The following TMEM120B variants were observed in gnomAD, a reference collection of about 807,000 sequenced individuals.
TMEM120B encodes the protein transmembrane protein 120B.
A neutral mutation model predicts 55.5 loss-of-function variants in TMEM120B; 31 were observed. That is an observed-to-expected ratio of 0.56 (90% confidence interval 0.42 to 0.75). The LOEUF is 0.75. TMEM120B is among the 30% of genes least tolerant of loss of function. The probability of loss-of-function intolerance (pLI) is 0.00; values close to 1 mark genes in which losing one functional copy is unlikely to be tolerated. For missense variants in TMEM120B, 399 were observed against 425.5 expected (o/e 0.94, Z 0.55); for synonymous variants, 203 against 176.3 (o/e 1.15, Z -1.20).
chr12:121,717,412 A>G (rs1894720840), intron 1 of TMEM120B, among the ~76,000 whole-genome samples: 1 of 152,214 alleles, frequency 6.6e-6, no homozygotes, highest in Non-Finnish European at 1.5e-5. Flanking sequence ...TCAGGGAGAC[A>G]GGCTCGAAGC....
intron 6 of TMEM120B, among the ~76,000 whole-genome samples, chr12:121,766,692 C>T (rs1025569028): frequency 1.3e-5 from 2 of 152,208 alleles, no homozygotes; most frequent in Non-Finnish European, 2.9e-5. Flanking sequence ...TCTATCCCAG[C>T]CACCCAGACT....
At position 121,746,313 on chromosome 12, in the gene TMEM120B, G is replaced by A. The variant is rs372874300; in HGVS notation, c.189-2013G>A. Among the ~76,000 whole-genome samples the A allele has an allele frequency of 1.1e-4, 16 of 151,488 alleles. No homozygotes were observed. The East Asian group carries it at 1.8e-3, about 17-fold the overall frequency. ...AGCGATTCTCCTGCCTCAGCCTCCC[G>A]AGTAGCTGGGATTACAGGCATGCAC... is the stretch of plus-strand genomic sequence containing the variant. On this transcript the variant is annotated intron_variant, in intron 2 of 11. Transcript: ENST00000449592.
chr12:121,731,992 C>T (rs545889160), intron 1 of TMEM120B, among the ~76,000 whole-genome samples: 485 of 152,264 alleles, frequency 3.2e-3, no homozygotes, highest in Non-Finnish European at 4.9e-3. Context: ...CAAAAATTAG[C>T]TGGGCGTGGT....
At position 121,780,985 on chromosome 12, in the gene TMEM120B, A is replaced by C. The variant is rs2137483505; in HGVS notation, c.*5263A>C. ...AGCACCATGGGGATCCCGCGGCAGA[A>C]ATGCGTGACCTCAGGGAACCACTGT... On this transcript the variant is annotated 3_prime_UTR_variant, in exon 12 of 12. Coordinates refer to ENST00000449592, the MANE Select transcript of TMEM120B (RefSeq NM_001080825.2). The C allele has an allele frequency of 6.2e-7, 1 of 1,613,872 alleles. No individual in the cohort carries two copies. The highest frequency in any genetic ancestry group is 8.5e-7 in the Non-Finnish European group (1 of 1,179,828).
chr12:121,743,590 T>G (rs1442711983), intron 1 of TMEM120B, 39 bp from the exon 2 acceptor site: 8 of 1,489,638 alleles, frequency 5.4e-6, no homozygotes, highest in Non-Finnish European at 7.4e-6. Flanking sequence ...GCTGTTCATA[T>G]TCTCCCACAC....
intron 1 of TMEM120B, among the ~76,000 whole-genome samples, chr12:121,714,209 T>C (rs935538156): frequency 1.3e-5 from 2 of 152,166 alleles, no homozygotes; most frequent in African/African-American, 2.4e-5. Context: ...CTCAGGGGAC[T>C]GTTTTGGCTC....
chr12:121,730,257 C>CAAA (rs111608601), intron 1 of TMEM120B, among the ~76,000 whole-genome samples: 1 of 82,308 alleles, frequency 1.2e-5, no homozygotes, highest in South Asian at 3.5e-4. Flanking sequence ...GACTCCATCT[C>CAAA]AAAAAAAAAA....
In TMEM120B at chr12:121,712,794, T is replaced by C. The variant is rs528856075; in HGVS notation, c.-102T>C. 8.1e-4 allele frequency: 684 copies of C among 843,828 alleles called. 3 individuals carry two copies. In the African/African-American group the frequency reaches 0.011, roughly 14 times the overall value. 52.3% of individuals were successfully genotyped at this position (843,828 alleles called of 1,614,324 possible). A position where few individuals can be genotyped will look rare whatever the true frequency, so the allele number is the denominator to read the frequency against. Reference sequence around the variant, plus strand: ...TGGCTGCGCAGGAACAGCTGGTGCCTCCGAGGGCGGTCGGCGAGCGCGCGG... The same window carrying C: ...TGGCTGCGCAGGAACAGCTGGTGCCCCCGAGGGCGGTCGGCGAGCGCGCGG... On this transcript the variant is annotated 5_prime_UTR_variant, in exon 1 of 12. Transcript: ENST00000449592.
At chr12:121,771,645 G>T in intron 8 of TMEM120B, 96 bp downstream of exon 8, 1 of 1,274,158 alleles carries the variant, frequency 7.8e-7, no homozygotes, top group Non-Finnish European at 1.1e-6. Context: ...GTGCTTGCCT[G>T]TGTGGCAGGG....
intron 1 of TMEM120B, among the ~76,000 whole-genome samples, chr12:121,714,325 C>T (rs866379688): frequency 1.2e-4 from 19 of 152,126 alleles, no homozygotes; most frequent in African/African-American, 2.9e-4. Context: ...GGCGTGATCT[C>T]GGCTTACTAC....
At position 121,780,953 on chromosome 12, in the gene TMEM120B, G is replaced by C; in HGVS notation, c.*5231G>C. 1 of 1,614,150 alleles carries C rather than the reference G, an allele frequency of 6.2e-7. No individual in the cohort carries two copies. The highest frequency in any genetic ancestry group is 8.5e-7 in the Non-Finnish European group (1 of 1,180,004). Reference sequence around the variant, plus strand: ...TGTCCTTCCTCAGGTCTGTCTTGCAGCCGATGAGCACCATGGGGATCCCGC... The same window carrying C: ...TGTCCTTCCTCAGGTCTGTCTTGCACCCGATGAGCACCATGGGGATCCCGC... On this transcript the variant is annotated 3_prime_UTR_variant, in exon 12 of 12. Transcript: ENST00000449592.
chr12:121,724,712 G>A (rs1033618762), intron 1 of TMEM120B, among the ~76,000 whole-genome samples: 2 of 151,434 alleles, frequency 1.3e-5, no homozygotes, highest in African/African-American at 4.8e-5. Context: ...CCAGGTTCAC[G>A]CCATTCTCCT....
At chr12:121,771,061 T>TG (rs1204502330) in intron 7 of TMEM120B, 89 bp downstream of exon 7, 3 of 1,420,332 alleles carry the variant, frequency 2.1e-6, no homozygotes, top group East Asian at 2.4e-5. Flanking sequence ...CAGACAGCGG[T>TG]GGGGGGTGTG....
intron 6 of TMEM120B, among the ~76,000 whole-genome samples, chr12:121,768,909 G>A (rs907907494): frequency 2.0e-5 from 3 of 152,130 alleles, no homozygotes. Flanking sequence ...ACTTTGGGAG[G>A]CCGAGGCAGG....
intron 6 of TMEM120B, 54 bp from the exon 7 acceptor site, chr12:121,770,853 A>C (rs1048637046): frequency 6.4e-7 from 1 of 1,557,078 alleles, no homozygotes; most frequent in Non-Finnish European, 8.9e-7. Flanking sequence ...AGCGAGACAC[A>C]TGCCTGCGTT....
In TMEM120B at chr12:121,774,728, T is replaced by A. The variant is rs749130577; in HGVS notation, c.837+6T>A. On this transcript the variant is annotated splice_donor_region_variant and intron_variant, in intron 10 of 11. Transcript: ENST00000449592. ...CCTTCCTCTTCTGTGGCCATGTGAG[T>A]CCCCCTGGAGTTTGTGGGTATCTCC... 1 of 1,613,546 alleles carries A rather than the reference T, an allele frequency of 6.2e-7. No homozygotes were observed. The highest frequency in any genetic ancestry group is 1.1e-5 in the South Asian group (1 of 90,982).
At position 121,779,865 on chromosome 12, in the gene TMEM120B, A is replaced by C. The variant is rs940809782; in HGVS notation, c.*4143A>C. ...GCAGTGCAGCCCGCAGGTTGGAAGA[A>C]GCCCTGTCCAGGCCCCCACCCTGGC... On this transcript the variant is annotated 3_prime_UTR_variant, in exon 12 of 12. Transcript: ENST00000449592. 3.4e-6 allele frequency: 2 copies of C among 585,010 alleles called. No individual in the cohort carries two copies. The highest frequency in any genetic ancestry group is 6.0e-6 in the Non-Finnish European group (2 of 332,224). The allele number at this position is 585,010 out of a possible 1,614,324, so 36.2% of individuals were successfully genotyped here.
intron 3 of TMEM120B, among the ~76,000 whole-genome samples, 183 bp downstream of exon 3, chr12:121,748,625 C>T (rs1463542269): frequency 6.6e-6 from 1 of 152,088 alleles, no homozygotes; most frequent in Non-Finnish European, 1.5e-5. Context: ...GGACCTTAGC[C>T]ACACCGTGTG....
At chr12:121,731,066 A>AG (rs1894994353) in intron 1 of TMEM120B, among the ~76,000 whole-genome samples, 2 of 152,012 alleles carry the variant, frequency 1.3e-5, no homozygotes, top group Non-Finnish European at 2.9e-5. Flanking sequence ...CCAGGGGCTG[A>AG]GGGGAAGGTG....
Sources: gnomAD v4.1 joint callset for allele counts (sites outside exome capture counted in the v4.1 genomes callset) on GRCh38, gnomAD v4.1.1 for gene constraint, MANE v1.5 for transcripts, NCBI Gene and HGNC (gene_info 2026-07-23, HGNC 2026-07-21) for gene names.